Variants in NT5DC4 observed in about 807,000 individuals in gnomAD.
NT5DC4 encodes 5'-nucleotidase domain-containing protein 4.
Under a neutral mutation model 26.6 loss-of-function variants are expected in NT5DC4, and 44 were observed. The observed-to-expected ratio is 1.65, with a 90% CI of 1.30 to 2.13. The LOEUF (loss-of-function observed/expected upper bound fraction) is 2.13, where lower values mean the gene tolerates loss of function less well. Ranked by LOEUF, NT5DC4 falls within the 30% of genes most tolerant of loss-of-function variation. The pLI is 0.00. For missense variants in NT5DC4, 399 were observed against 228.1 expected, an observed-to-expected ratio of 1.75 and a Z score of -4.83; for synonymous variants, 157 against 86.7, an observed-to-expected ratio of 1.81 and a Z score of -4.51.
downstream of NT5DC4, chr2:112,739,099 T>C (rs776642928): frequency 1.5e-6 from 2 of 1,372,432 alleles, no homozygotes; most frequent in East Asian, 4.9e-5. Flanking sequence ...AAAAAAATTA[T>C]CTTTATTATT....
intron 11 of NT5DC4, 56 bp from the exon 12 acceptor site, chr2:112,725,118 G>A: frequency 2.9e-6 from 2 of 690,606 alleles, no homozygotes; most frequent in Non-Finnish European, 5.5e-6. Flanking sequence ...ACCCTCCCTA[G>A]CTAGAGACCA....
chr2:112,726,146 T>C, intron 13 of NT5DC4, 92 bp from the exon 14 acceptor site: 4 of 707,332 alleles, frequency 5.7e-6, no homozygotes, highest in Non-Finnish European at 7.9e-6. Context: ...GGTGTGCAAG[T>C]CCTCCGCTGG....
At chr2:112,721,738 G>T in intron 1 of NT5DC4, 80 bp from the exon 2 acceptor site, 1 of 716,742 alleles carries the variant, frequency 1.4e-6, no homozygotes, top group Admixed American at 2.0e-5. Context: ...CCTCTGCGGG[G>T]TTTCCACCCC....
intron 15 of NT5DC4, 175 bp downstream of exon 15, chr2:112,726,913 A>T (rs1487314683): frequency 4.7e-6 from 3 of 639,748 alleles, no homozygotes; most frequent in Non-Finnish European, 8.6e-6. Context: ...GCTGGCCGAC[A>T]TTCCAAAGGG....
At chr2:112,719,376 T>A (rs1262408935), upstream of NT5DC4, among the ~76,000 whole-genome samples, 1 of 152,232 alleles carries the variant, frequency 6.6e-6, no homozygotes, top group Admixed American at 6.5e-5. Context: ...TGTTTTTCTG[T>A]TGTTGTTCCA....
At chr2:112,734,726 G>A (rs561209715) in intron 16 of NT5DC4, among the ~76,000 whole-genome samples, 7 of 152,328 alleles carry the variant, frequency 4.6e-5, no homozygotes, top group South Asian at 2.1e-4. Context: ...GTCTTGCTCC[G>A]TCGCCTAGGC....
At chr2:112,722,794 C>A (rs750644030) in intron 6 of NT5DC4, 23 bp downstream of exon 6, 78 of 717,354 alleles carry the variant, frequency 1.1e-4, no homozygotes, top group Non-Finnish European at 1.2e-4. Flanking sequence ...CCCTGCCCAG[C>A]CCTGGGACGA....
At chr2:112,736,739 T>G (rs1679231273) in intron 16 of NT5DC4, 1 of 152,234 alleles carries the variant, frequency 6.6e-6, no homozygotes, top group Admixed American at 6.5e-5. Flanking sequence ...GTTCTCCAGG[T>G]CCATCTATGT....
chr2:112,741,079 A>G, downstream of NT5DC4: 1 of 939,446 alleles, frequency 1.1e-6, no homozygotes, highest in Non-Finnish European at 1.7e-6. Context: ...CAATAACATG[A>G]AAAATACATA....
rs1676916098 is a variant in NT5DC4, at chr2:112,721,907, A to G, written c.148+16A>G. 1 of 717,386 alleles carries G rather than the reference A, an allele frequency of 1.4e-6. No homozygotes were observed. The highest frequency in any genetic ancestry group is 2.3e-4 in the Middle Eastern group (1 of 4,372). 44.4% of individuals were successfully genotyped at this position (717,386 alleles called of 1,614,324 possible). ...ACTCTGGCTGGTAGAGAGGGCTGGAACACAGCGTATTGGGAGCTGGAGGGA... is the reference window on the plus strand; with the variant it reads ...ACTCTGGCTGGTAGAGAGGGCTGGAGCACAGCGTATTGGGAGCTGGAGGGA... On this transcript the variant is annotated intron_variant, in intron 2 of 16. Transcript: ENST00000688554.
chr2:112,727,799 AG>A (rs1677939238), intron 15 of NT5DC4, among the ~76,000 whole-genome samples: 3 of 123,740 alleles, frequency 2.4e-5, no homozygotes, highest in Admixed American at 1.7e-4. Context: ...CTCTGGCCAG[AG>A]GGTCACCCAG....
At chr2:112,719,019 CG>C (rs1558712798), upstream of NT5DC4, among the ~76,000 whole-genome samples, 1 of 152,050 alleles carries the variant, frequency 6.6e-6, no homozygotes, top group East Asian at 1.9e-4. Flanking sequence ...TACAGTCATG[CG>C]GGGCTTGACC....
chr2:112,722,599 G>C lies in NT5DC4; in HGVS notation c.469+10G>C, dbSNP rs1336726006. ...CTCTTCAACCTGCCTGGTGGGTGGAGGGTTGGGGGCACGGGAGGTGGTCCT... is the reference window on the plus strand; with the variant it reads ...CTCTTCAACCTGCCTGGTGGGTGGACGGTTGGGGGCACGGGAGGTGGTCCT... On this transcript the variant is annotated intron_variant, in intron 5 of 16. Coordinates refer to ENST00000688554, the MANE Select transcript of NT5DC4 (RefSeq NM_001393655.1). The C allele has an allele frequency of 2.8e-6, 2 of 717,488 alleles. No individual in the cohort carries two copies. Among genetic ancestry groups the C allele is most frequent in the South Asian group, 3.0e-5 (2 of 67,608 alleles). 44.4% of individuals were successfully genotyped at this position (717,488 alleles called of 1,614,324 possible). A position where few individuals can be genotyped will look rare whatever the true frequency, so the allele number is the denominator to read the frequency against.
In NT5DC4 at chr2:112,733,595, G is replaced by A. The variant is rs1678731632; in HGVS notation, c.1344+3891G>A. Among the ~76,000 whole-genome samples, 3 of 152,200 alleles carry A rather than the reference G, an allele frequency of 2.0e-5. No homozygotes were observed. In the South Asian group the frequency reaches 6.2e-4, roughly 31 times the overall value. ...GTGAAGTTGGGTGGGAGCCTTCTTT[G>A]GCCACATGGACGAGGCTGCCTCCAA... On this transcript the variant is annotated intron_variant, in intron 16 of 16. Transcript: ENST00000688554.
downstream of NT5DC4, among the ~76,000 whole-genome samples, chr2:112,741,716 T>C (rs1679978810): frequency 6.6e-6 from 1 of 152,214 alleles, no homozygotes; most frequent in Non-Finnish European, 1.5e-5. Context: ...TCTTACCACA[T>C]GTAGTGGGTT....
chr2:112,723,267 A>G, intron 7 of NT5DC4, 93 bp downstream of exon 7: 1 of 712,494 alleles, frequency 1.4e-6, no homozygotes, highest in East Asian at 2.7e-5. Flanking sequence ...TAGCGTTTCC[A>G]TCCTCTTCCT....
intron 8 of NT5DC4, 86 bp from the exon 9 acceptor site, chr2:112,723,633 G>T: frequency 1.5e-6 from 1 of 686,572 alleles, no homozygotes; most frequent in Non-Finnish European, 2.7e-6. Flanking sequence ...GCTGGGGTGG[G>T]CTCCCAGAAG....
rs1232947648 is a variant in NT5DC4 at position 112,721,977 on chromosome 2, C to A, written c.149-9C>A. On this transcript the variant is annotated splice_polypyrimidine_tract_variant and intron_variant, in intron 2 of 16. Transcript: ENST00000688554. ...CACCAAAGCCCTGATTCTGTCCGGG[C>A]CTCTGCAGCCTACAAGTCCCCAGCT... 3 of 717,168 alleles carry A rather than the reference C, an allele frequency of 4.2e-6. No individual in the cohort carries two copies. The highest frequency in any genetic ancestry group is 3.5e-5 in the African/African-American group (2 of 57,268). The allele number at this position is 717,168 out of a possible 1,614,324, so 44.4% of individuals were successfully genotyped here.
chr2:112,742,057 C>T (rs112032191), downstream of NT5DC4, among the ~76,000 whole-genome samples: 2,105 of 150,762 alleles, frequency 0.014, 46 homozygotes, highest in African/African-American at 0.049. Context: ...CCCAAAGTGC[C>T]GGGATTACAG....
Sources: allele counts gnomAD v4.1 joint callset (sites outside exome capture counted in the v4.1 genomes callset), GRCh38; gene constraint gnomAD v4.1.1; transcripts MANE v1.5; gene names NCBI Gene and HGNC (gene_info 2026-07-23, HGNC 2026-07-21).